The following NRXN1 variants were observed in gnomAD, a reference collection of about 807,000 sequenced individuals.
The protein encoded by NRXN1 is neurexin-1.
Under a neutral mutation model 150.9 loss-of-function variants are expected in NRXN1, and 39 were observed. The observed-to-expected ratio is 0.26, with a 90% confidence interval of 0.20 to 0.34. The LOEUF is 0.34. NRXN1 is among the 10% of genes least tolerant of loss of function. The pLI is 1.00. For missense variants in NRXN1, 1,815 were observed against 1,949.9 expected (o/e 0.93, Z 1.30); for synonymous variants, 924 against 757.0 (o/e 1.22, Z -3.62).
At chr2:50,440,676 T>C (rs377191637) in intron 17 of NRXN1, among the ~76,000 whole-genome samples, 1 of 152,132 alleles carries the variant, frequency 6.6e-6, no homozygotes, top group Non-Finnish European at 1.5e-5. Flanking sequence ...GTTGCATTGC[T>C]GCCTCTCTTT....
At chr2:50,916,469 A>G (rs1685228526) in intron 5 of NRXN1, among the ~76,000 whole-genome samples, 1 of 150,810 alleles carries the variant, frequency 6.6e-6, no homozygotes, top group South Asian at 2.1e-4. Flanking sequence ...AAAAGTGTTG[A>G]TGGTTGTTAA....
chr2:50,043,324 C>T (rs926703852), intron 21 of NRXN1, among the ~76,000 whole-genome samples: 1 of 152,160 alleles, frequency 6.6e-6, no homozygotes, highest in African/African-American at 2.4e-5. Flanking sequence ...ACAAGTTGGG[C>T]ACTTAACTTT....
chr2:50,857,437 T>C (rs1240824042), intron 5 of NRXN1, among the ~76,000 whole-genome samples: 3 of 152,076 alleles, frequency 2.0e-5, no homozygotes, highest in Admixed American at 6.6e-5. Context: ...CTTCCACCCC[T>C]TTCCTTTGTA....
At chr2:50,792,251 A>C (rs562594454) in intron 5 of NRXN1, among the ~76,000 whole-genome samples, 1 of 152,224 alleles carries the variant, frequency 6.6e-6, no homozygotes, top group East Asian at 1.9e-4. Flanking sequence ...ATTGAACATA[A>C]ATCTTGAATT....
At chr2:50,298,125 T>C (rs17040434) in intron 17 of NRXN1, among the ~76,000 whole-genome samples, 12,805 of 152,160 alleles carry the variant, frequency 0.084, 625 homozygotes, top group Middle Eastern at 0.14. Flanking sequence ...AATTCAATGA[T>C]GAAATTGCCG....
Position 51,010,268 on chromosome 2 carries a change from T to C in NRXN1, c.772+17234A>G, listed in dbSNP as rs548246432. ...ATTTAAATATGTTTTTTCTTTACCC[T>C]CTTCACTGAAAACAGCAAAACACCT... On this transcript the variant is annotated intron_variant, in intron 2 of 22. Transcript: ENST00000401669. Among the ~76,000 whole-genome samples the C allele has an allele frequency of 1.7e-3, 252 of 152,132 alleles. 4 individuals are homozygous for C. In the Middle Eastern group the frequency reaches 0.027, roughly 16 times the overall value.
chr2:50,237,106 C>T (rs975999681), intron 17 of NRXN1, 136 bp from the exon 18 acceptor site: 1 of 898,328 alleles, frequency 1.1e-6, no homozygotes, highest in South Asian at 1.4e-5. Context: ...AGATTTCAAT[C>T]AAATGTGCTC....
intron 17 of NRXN1, among the ~76,000 whole-genome samples, chr2:50,428,242 C>A (rs1196000936): frequency 6.6e-6 from 1 of 152,032 alleles, no homozygotes; most frequent in South Asian, 2.1e-4. Context: ...GCAAGACCCC[C>A]GTCTCTACGA....
intron 12 of NRXN1, among the ~76,000 whole-genome samples, chr2:50,514,474 T>C (rs1199435725): frequency 6.6e-6 from 1 of 152,236 alleles, no homozygotes; most frequent in Non-Finnish European, 1.5e-5. Context: ...ATTTATTTTG[T>C]GCCAAATACC....
intron 18 of NRXN1, among the ~76,000 whole-genome samples, chr2:50,195,460 C>A (rs1383919334): frequency 2.6e-5 from 4 of 152,106 alleles, no homozygotes; most frequent in African/African-American, 7.2e-5. Flanking sequence ...GGCTAATAGG[C>A]TGTTGTTGTG....
At chr2:50,351,908 G>C (rs1383676898) in intron 17 of NRXN1, among the ~76,000 whole-genome samples, 1 of 152,060 alleles carries the variant, frequency 6.6e-6, no homozygotes, top group Non-Finnish European at 1.5e-5. Context: ...CAAGCTTCTA[G>C]AATAGGCTAC....
At chr2:51,017,237 G>A (rs989857474) in intron 2 of NRXN1, among the ~76,000 whole-genome samples, 5 of 151,682 alleles carry the variant, frequency 3.3e-5, no homozygotes, top group East Asian at 1.9e-4. Context: ...CGTGTATCCC[G>A]GAACTTAAAG....
chr2:50,944,910 A>G lies in NRXN1; in HGVS notation c.773-18955T>C, dbSNP rs183141979. ...GTAAATTAACAGATGAGTGTCATTT[A>G]CACTGATGGTACAAATGCAGGTTTC... is the stretch of plus-strand genomic sequence containing the variant. On this transcript the variant is annotated intron_variant, in intron 2 of 22. Transcript: ENST00000401669. 9.8e-5 allele frequency among the ~76,000 whole-genome samples: 15 copies of G among 152,350 alleles called. No homozygotes were observed. The East Asian group carries it at 1.4e-3, about 14-fold the overall frequency.
At chr2:50,214,287 T>C (rs1256184513) in intron 18 of NRXN1, among the ~76,000 whole-genome samples, 2 of 151,992 alleles carry the variant, frequency 1.3e-5, no homozygotes, top group Admixed American at 1.3e-4. Flanking sequence ...CCTGAACATA[T>C]CCAGTAATTG....
intron 5 of NRXN1, among the ~76,000 whole-genome samples, chr2:50,714,234 A>G (rs1182044443): frequency 1.3e-5 from 2 of 152,162 alleles, no homozygotes; most frequent in African/African-American, 4.8e-5. Flanking sequence ...CCTTGGCTAT[A>G]CAATTTGCAC....
chr2:50,246,060 A>G (rs923886435), intron 17 of NRXN1, among the ~76,000 whole-genome samples: 4 of 151,932 alleles, frequency 2.6e-5, no homozygotes, highest in African/African-American at 7.2e-5. Flanking sequence ...TGATTTGGGG[A>G]AAGTTTCTAT....
At chr2:50,970,216 G>C (rs1694787907) in intron 2 of NRXN1, among the ~76,000 whole-genome samples, 1 of 152,112 alleles carries the variant, frequency 6.6e-6, no homozygotes, top group Admixed American at 6.6e-5. Context: ...TCTAGTTTCT[G>C]TGACCTGCCT....
At chr2:50,494,966 G>C (rs1463981767) in intron 15 of NRXN1, among the ~76,000 whole-genome samples, 1 of 150,588 alleles carries the variant, frequency 6.6e-6, no homozygotes, top group East Asian at 2.0e-4. Context: ...AAGAGGCAGA[G>C]ACTGAAGTGA....
intron 5 of NRXN1, among the ~76,000 whole-genome samples, chr2:50,669,512 A>G (rs574670766): frequency 6.6e-6 from 1 of 152,146 alleles, no homozygotes; most frequent in East Asian, 1.9e-4. Context: ...CATAACTATT[A>G]ACTAACCACT....
Sources: gnomAD v4.1 joint callset for allele counts (sites outside exome capture counted in the v4.1 genomes callset) on GRCh38, gnomAD v4.1.1 for gene constraint, MANE v1.5 for transcripts, NCBI Gene and HGNC (gene_info 2026-07-23, HGNC 2026-07-21) for gene names.